The following NAALADL2 variants were observed in gnomAD, a reference collection of about 807,000 sequenced individuals.
The protein encoded by NAALADL2 is inactive N-acetylated-alpha-linked acidic dipeptidase-like protein 2.
In NAALADL2, 76 loss-of-function variants were observed where a neutral mutation model predicts 87.2. The ratio of observed to expected loss-of-function variants is 0.87; its 90% CI spans 0.72 to 1.05. The LOEUF (loss-of-function observed/expected upper bound fraction) is 1.05. Among genes scored for constraint, NAALADL2 ranks in the 50% least tolerant of loss-of-function variants. The pLI, the probability that NAALADL2 is intolerant of heterozygous loss-of-function variation, is 0.00. For synonymous variants in NAALADL2, 354 were observed against 331.0 expected, an observed-to-expected ratio of 1.07 and a Z score of -0.75; for missense variants, 1,089 against 945.8, an observed-to-expected ratio of 1.15 and a Z score of -1.99.
intron 5 of NAALADL2, among the ~76,000 whole-genome samples, chr3:175,433,455 G>A (rs967399688): frequency 6.6e-6 from 1 of 151,998 alleles, no homozygotes; most frequent in African/African-American, 2.4e-5. Flanking sequence ...AGGGCTATTT[G>A]AAGTCCTGCA....
chr3:174,914,803 A>G (rs1204434209), intron 1 of NAALADL2, among the ~76,000 whole-genome samples: 1 of 152,162 alleles, frequency 6.6e-6, no homozygotes, highest in Non-Finnish European at 1.5e-5. Context: ...AGACAAAACA[A>G]ATTTGATGAC....
At chr3:175,462,465 ATATT>A (rs1723291087) in intron 6 of NAALADL2, among the ~76,000 whole-genome samples, 1 of 152,156 alleles carries the variant, frequency 6.6e-6, no homozygotes. Context: ...AAGAAGTAAT[ATATT>A]TATTATTACA....
At chr3:175,220,676 C>A (rs545863214) in intron 2 of NAALADL2, among the ~76,000 whole-genome samples, 1 of 151,944 alleles carries the variant, frequency 6.6e-6, no homozygotes, top group South Asian at 2.1e-4. Context: ...CTTCTGTATA[C>A]TTGTCTTCAT....
chr3:175,070,113 GTAAC>G (rs1559986049), intron 1 of NAALADL2, among the ~76,000 whole-genome samples: 1 of 150,214 alleles, frequency 6.7e-6, no homozygotes, highest in East Asian at 2.0e-4. Flanking sequence ...GTATACATAT[GTAAC>G]TAACCTGCAC....
At chr3:175,307,750 A>G (rs1477901386) in intron 4 of NAALADL2, among the ~76,000 whole-genome samples, 3 of 152,180 alleles carry the variant, frequency 2.0e-5, no homozygotes, top group South Asian at 2.1e-4. Context: ...AGATCTAGCA[A>G]CAAAGTATGT....
At chr3:175,755,124 T>C (rs1393637448) in intron 12 of NAALADL2, 96 bp from the exon 13 acceptor site, 2 of 972,822 alleles carry the variant, frequency 2.1e-6, no homozygotes, top group African/African-American at 1.7e-5. Flanking sequence ...TCTTCAGTGG[T>C]CTGTCTGGCT....
chr3:175,554,504 G>T (rs1350652782), intron 9 of NAALADL2, among the ~76,000 whole-genome samples: 1 of 151,876 alleles, frequency 6.6e-6, no homozygotes, highest in Non-Finnish European at 1.5e-5. Context: ...AATATATTCA[G>T]AAAGTATAAT....
intron 13 of NAALADL2, among the ~76,000 whole-genome samples, chr3:175,784,331 C>G (rs1751591419): frequency 6.6e-6 from 1 of 151,994 alleles, no homozygotes; most frequent in African/African-American, 2.4e-5. Context: ...TCCATCTGGT[C>G]CTGGACTATT....
intron 1 of NAALADL2, among the ~76,000 whole-genome samples, chr3:175,032,658 C>A (rs1752936659): frequency 6.6e-6 from 1 of 151,976 alleles, no homozygotes; most frequent in African/African-American, 2.4e-5. Flanking sequence ...AATGTCTTTC[C>A]TCAAAGTTCT....
intron 1 of NAALADL2, among the ~76,000 whole-genome samples, chr3:175,050,454 G>T (rs1212704795): frequency 5.3e-5 from 8 of 151,994 alleles, no homozygotes; most frequent in Admixed American, 5.2e-4. Flanking sequence ...TAGAGACAGG[G>T]TTTTGCCATG....
intron 4 of NAALADL2, among the ~76,000 whole-genome samples, chr3:175,279,783 TGTGA>T (rs67460152): frequency 0.044 from 5,623 of 127,694 alleles, 164 homozygotes; most frequent in South Asian, 0.066. Flanking sequence ...CTGCATAGTG[TGTGA>T]GTGTGTGTGT....
At chr3:175,404,169 G>A (rs924933207) in intron 5 of NAALADL2, among the ~76,000 whole-genome samples, 2 of 152,068 alleles carry the variant, frequency 1.3e-5, no homozygotes, top group African/African-American at 4.8e-5. Flanking sequence ...AATATCTGAA[G>A]TAACACAATG....
chr3:175,045,545 G>C (rs1168204604), intron 1 of NAALADL2, among the ~76,000 whole-genome samples: 3 of 152,126 alleles, frequency 2.0e-5, no homozygotes, highest in Non-Finnish European at 4.4e-5. Context: ...AGAGGAACAA[G>C]TTAGCCTCCC....
chr3:174,885,918 T>G (rs1453316526), intron 1 of NAALADL2, among the ~76,000 whole-genome samples: 1 of 53,674 alleles, frequency 1.9e-5, no homozygotes, highest in South Asian at 7.1e-4. Context: ...TTTTTTTTTT[T>G]TTTTTTTTTT....
intron 9 of NAALADL2, among the ~76,000 whole-genome samples, chr3:175,528,211 C>T (rs1733669464): frequency 6.6e-6 from 1 of 151,808 alleles, no homozygotes; most frequent in Non-Finnish European, 1.5e-5. Context: ...TAAGTATTAG[C>T]TCACAAGATT....
chr3:175,083,530 A>G (rs923127390), intron 1 of NAALADL2, among the ~76,000 whole-genome samples: 6 of 152,322 alleles, frequency 3.9e-5, no homozygotes, highest in South Asian at 2.1e-4. Flanking sequence ...AGTTTTACCT[A>G]TGAAGAACAG....
chr3:174,981,908 C>T (rs564803478), intron 1 of NAALADL2, among the ~76,000 whole-genome samples: 3 of 152,170 alleles, frequency 2.0e-5, no homozygotes, highest in Admixed American at 6.5e-5. Flanking sequence ...AAAGAAAGGC[C>T]GAAAAGAGCG....
Position 174,716,365 on chromosome 3 carries a change from C to T in NAALADL2, c.-114-21276C>T, listed in dbSNP as rs1231950269. On this transcript the variant is annotated intron_variant, in intron 2 of 3. Coordinates refer to the NAALADL2 transcript ENST00000434257. ...TATTTTGTTTTGTTTTGTTTTTCCA[C>T]CAAAGAGGGCTAGTCTCACACCTTT... is the stretch of plus-strand genomic sequence containing the variant. 2.0e-5 allele frequency among the ~76,000 whole-genome samples: 3 copies of T among 151,962 alleles called. 1 individual carries two copies. Among genetic ancestry groups the T allele is most frequent in the Non-Finnish European group, 4.4e-5 (3 of 67,976 alleles).
chr3:175,108,893 T>C (rs1723708277), intron 2 of NAALADL2, among the ~76,000 whole-genome samples: 2 of 151,830 alleles, frequency 1.3e-5, no homozygotes, highest in African/African-American at 2.4e-5. Context: ...TTATTTCTTG[T>C]GGTTTTTCTG....
Sources: allele counts gnomAD v4.1 joint callset (sites outside exome capture counted in the v4.1 genomes callset), GRCh38; gene constraint gnomAD v4.1.1; transcripts MANE v1.5; gene names NCBI Gene and HGNC (gene_info 2026-07-23, HGNC 2026-07-21).